Variants in SLC5A9 observed in about 807,000 individuals in gnomAD.
The protein encoded by SLC5A9 is solute carrier family 5 member 9.
SLC5A9 carries 59 observed loss-of-function variants against 70.9 expected under a neutral mutation model. That is an observed-to-expected ratio of 0.83 (90% CI 0.68 to 1.03). SLC5A9 has a LOEUF of 1.03. Ranked by LOEUF, SLC5A9 falls within the 50% of genes least tolerant of loss-of-function variation. SLC5A9 has a pLI of 0.00. For synonymous variants in SLC5A9, 340 were observed against 346.5 expected, an observed-to-expected ratio of 0.98 and a Z score of 0.21; for missense variants, 832 against 881.1, an observed-to-expected ratio of 0.94 and a Z score of 0.71.
At position 48,242,519 on chromosome 1, in the gene SLC5A9, C is replaced by T. The variant is rs184128699; in HGVS notation, c.1740C>T (p.His580=). ...CPLSELEKEA[H]ESTPEISERP... ...TCTCTGAGCTGGAGAAGGAGGCCCA[C>T]GAGAGCACACCGGAGATATCCGAGA... The change falls in exon 13 of 14, where the codon CAC becomes CAT. Residue 580 remains histidine, a synonymous_variant. Transcript: ENST00000438567. The T allele has an allele frequency of 1.4e-4, 226 of 1,613,584 alleles. 1 individual carries two copies. The highest frequency in any genetic ancestry group is 5.7e-4 in the South Asian group (52 of 91,050).
intron 1 of SLC5A9, among the ~76,000 whole-genome samples, chr1:48,224,183 T>C (rs1644111370): frequency 6.6e-6 from 1 of 152,176 alleles, no homozygotes; most frequent in Non-Finnish European, 1.5e-5. Flanking sequence ...AGGGAGGTCC[T>C]GGATGGGGCT....
At chr1:48,247,088 T>A (rs1644467804) in intron 13 of SLC5A9, among the ~76,000 whole-genome samples, 1 of 152,196 alleles carries the variant, frequency 6.6e-6, no homozygotes, top group Non-Finnish European at 1.5e-5. Context: ...TTCCACTACA[T>A]GACTGTTTGG....
intron 5 of SLC5A9, 39 bp downstream of exon 5, chr1:48,230,744 T>C: frequency 1.4e-6 from 2 of 1,470,902 alleles, no homozygotes; most frequent in Non-Finnish European, 1.9e-6. Context: ...AGCTTCTGAC[T>C]GGCAGAGACC....
rs547766619 is a variant in SLC5A9 at position 48,231,008 on chromosome 1, C to G, written c.610+303C>G. On this transcript the variant is annotated intron_variant, in intron 5 of 13. Transcript: ENST00000438567. Reference sequence around the variant, plus strand: ...AGACAGTAAGAAATACCACAAAAGACTAACTGCCTGGGGAGCAGGGTAGAG... The same window carrying G: ...AGACAGTAAGAAATACCACAAAAGAGTAACTGCCTGGGGAGCAGGGTAGAG... Among the ~76,000 whole-genome samples the G allele has an allele frequency of 1.4e-4, 21 of 152,274 alleles. No homozygotes were observed. In the South Asian group the frequency reaches 4.4e-3, roughly 32 times the overall value.
intron 8 of SLC5A9, 115 bp downstream of exon 8, chr1:48,232,617 G>T (rs1644265986): frequency 1.4e-6 from 2 of 1,393,862 alleles, no homozygotes. Flanking sequence ...GGCAAGGTTT[G>T]TCTATTAAGA....
chr1:48,248,037 T>A lies in SLC5A9; in HGVS notation c.*494T>A, dbSNP rs1644478572. 1 of 164,830 alleles carries A rather than the reference T, an allele frequency of 6.1e-6. No homozygotes were observed. The highest frequency in any genetic ancestry group is 1.3e-5 in the Non-Finnish European group (1 of 74,362). The allele number at this position is 164,830 out of a possible 1,614,324, so 10.2% of individuals were successfully genotyped here. A position where few individuals can be genotyped will look rare whatever the true frequency, so the allele number is the denominator to read the frequency against. On this transcript the variant is annotated 3_prime_UTR_variant, in exon 14 of 14. Transcript: ENST00000438567. ...ACCAATAATCTCTTTGTTGCATGAA[T>A]TTACCCAGGAGAGTCCTATATTTCC...
In SLC5A9 at chr1:48,232,401, T is replaced by C; in HGVS notation, c.932T>C (p.Leu311Pro). Residue 311 changes from leucine (L) to proline (P), a missense_variant, in exon 8 of 14, where the codon CTG (leucine) becomes CCG (proline). Transcript: ENST00000438567. ...CAGCGGTCTCTCTCGGCCAAGAGTC[T>C]GTCTCATGCCAAGGGAGGCTCCGTG... ...IVQRSLSAKS[L>P]SHAKGGSVLG... 2.5e-6 allele frequency: 4 copies of C among 1,614,192 alleles called. No homozygotes were observed. The highest frequency in any genetic ancestry group is 3.4e-6 in the Non-Finnish European group (4 of 1,180,018).
intron 2 of SLC5A9, among the ~76,000 whole-genome samples, chr1:48,225,892 G>A (rs12139099): frequency 0.32 from 48,455 of 151,768 alleles, 8,590 homozygotes; most frequent in East Asian, 0.61. Flanking sequence ...ACATTCATGC[G>A]CACTCACACC....
Position 48,224,751 on chromosome 1 carries a change from A to C in SLC5A9, c.190A>C (p.Ile64Leu). 6.2e-7 allele frequency: 1 copy of C among 1,614,122 alleles called. No homozygotes were observed. The highest frequency in any genetic ancestry group is 8.5e-7 in the Non-Finnish European group (1 of 1,180,012). Residue 64 changes from isoleucine (I) to leucine (L), a missense_variant, in exon 2 of 14, where the codon ATT becomes CTT. Ile to Leu is a conservative substitution (Grantham distance 5). Transcript: ENST00000438567. The stretch of plus-strand genomic sequence containing the variant: ...GTCCATCCGTGCAAGTCGAGGGACC[A>C]TTGGCGGCTATTTCCTGGCCGGGAG... ...WSSIRASRGTIGGYFLAGRSM... is the reference protein window; with the variant it reads ...WSSIRASRGTLGGYFLAGRSM...
At chr1:48,243,274 C>T (rs2148588501) in intron 13 of SLC5A9, among the ~76,000 whole-genome samples, 1 of 152,196 alleles carries the variant, frequency 6.6e-6, no homozygotes, top group South Asian at 2.1e-4. Flanking sequence ...GCAGCCATGC[C>T]TCCATACAGT....
Position 48,230,461 on chromosome 1 carries a change from G to A in SLC5A9, c.505-139G>A. Reference sequence around the variant, plus strand: ...TGCAAGATAAAACCCACACTCCTTAGCATAGCACTTAAAGCTCATTTTCAT... The same window carrying A: ...TGCAAGATAAAACCCACACTCCTTAACATAGCACTTAAAGCTCATTTTCAT... On this transcript the variant is annotated intron_variant, in intron 4 of 13. Transcript: ENST00000438567. 4 of 641,882 alleles carry A rather than the reference G, an allele frequency of 6.2e-6. No homozygotes were observed. The South Asian group carries it at 7.1e-5, about 11-fold the overall frequency. The allele number at this position is 641,882 out of a possible 1,614,324, so 39.8% of individuals were successfully genotyped here. A position where few individuals can be genotyped will look rare whatever the true frequency, so the allele number is the denominator to read the frequency against.
intron 13 of SLC5A9, 65 bp downstream of exon 13, chr1:48,242,681 G>C (rs141700878): frequency 1.4e-6 from 2 of 1,444,844 alleles, no homozygotes; most frequent in Middle Eastern, 2.6e-4. Context: ...CTATGTCATG[G>C]GCGGTCTTTG....
intron 13 of SLC5A9, among the ~76,000 whole-genome samples, chr1:48,246,196 G>A (rs1280038320): frequency 1.3e-5 from 2 of 152,120 alleles, no homozygotes; most frequent in Non-Finnish European, 1.5e-5. Flanking sequence ...TCAAAAGAGA[G>A]AATGTTTGGA....
At position 48,232,480 on chromosome 1, in the gene SLC5A9, G is replaced by A. The variant is rs755228113; in HGVS notation, c.1011G>A (p.Met337Ile). ...TGTTCTTCATCGTCATGCCTGGCAT[G>A]ATCAGCCGGGCCCTGTTCCCAGGTA... ...LPMFFIVMPG[M>I]ISRALFPDEV... Residue 337 changes from methionine (M) to isoleucine (I), a missense_variant, in exon 8 of 14, where the codon ATG becomes ATA. Coordinates refer to ENST00000438567, the MANE Select transcript of SLC5A9 (RefSeq NM_001011547.3). The A allele has an allele frequency of 6.2e-7, 1 of 1,614,090 alleles. No individual in the cohort carries two copies. Among genetic ancestry groups the A allele is most frequent in the African/African-American group, 1.3e-5 (1 of 74,936 alleles).
intron 9 of SLC5A9, 54 bp downstream of exon 9, chr1:48,233,816 T>A: frequency 7.7e-7 from 1 of 1,302,906 alleles, no homozygotes; most frequent in Admixed American, 1.8e-5. Flanking sequence ...CCTCCTCCAA[T>A]CTCCACTGCC....
At chr1:48,237,565 A>C in intron 10 of SLC5A9, 114 bp from the exon 11 acceptor site, 1 of 996,578 alleles carries the variant, frequency 1.0e-6, no homozygotes, top group Non-Finnish European at 1.5e-6. Flanking sequence ...TCTCTGATCT[A>C]GTGATTGTAC....
chr1:48,228,837 C>T lies in SLC5A9; in HGVS notation c.235-13C>T. ...TCCTGACTCCTGACCCTTGACCCAA[C>T]TGTGCCTTGCAGATTGGAGCATCTC... On this transcript the variant is annotated splice_polypyrimidine_tract_variant and intron_variant, in intron 2 of 13. Transcript: ENST00000438567. The T allele has an allele frequency of 6.2e-7, 1 of 1,613,596 alleles. No homozygotes were observed. Among genetic ancestry groups the T allele is most frequent in the South Asian group, 1.1e-5 (1 of 91,082 alleles).
rs1644119528 is a variant in SLC5A9 at position 48,224,725 on chromosome 1, C to CGTCCAT, written c.165_170dup (p.Ser56_Ile57insMetSer). On this transcript the variant is annotated inframe_insertion and splice_region_variant, in exon 2 of 14. Coordinates refer to ENST00000438567, the MANE Select transcript of SLC5A9 (RefSeq NM_001011547.3). The stretch of plus-strand genomic sequence containing the variant: ...TCATCTCATCTATTTCCTTTCCAGT[C>CGTCCAT]GTCCATCCGTGCAAGTCGAGGGACC... 1 of 1,613,914 alleles carries CGTCCAT rather than the reference C, an allele frequency of 6.2e-7. No individual in the cohort carries two copies. The highest frequency in any genetic ancestry group is 1.3e-5 in the African/African-American group (1 of 74,922).
rs752848191 is a variant in SLC5A9, at chr1:48,233,703, C to A, written c.1082C>A (p.Ala361Asp). Reference protein sequence around the residue: ...DPDVCQRICGARVGCSNIAYP... With the variant: ...DPDVCQRICGDRVGCSNIAYP... ...GATGTCTGCCAAAGAATCTGTGGGG[C>A]CCGAGTGGGATGTTCCAACATTGCC... Residue 361 changes from alanine to aspartate, a missense_variant, in exon 9 of 14, where the codon GCC (alanine) becomes GAC (aspartate). Ala to Asp is a moderately radical substitution (Grantham distance 126). Coordinates refer to ENST00000438567, the MANE Select transcript of SLC5A9 (RefSeq NM_001011547.3). 2.0e-5 allele frequency: 32 copies of A among 1,613,916 alleles called. No homozygotes were observed. The highest frequency in any genetic ancestry group is 2.6e-5 in the Non-Finnish European group (31 of 1,180,016).
Sources: allele counts gnomAD v4.1 joint callset (sites outside exome capture counted in the v4.1 genomes callset), GRCh38; gene constraint gnomAD v4.1.1; transcripts MANE v1.5; gene names NCBI Gene and HGNC (gene_info 2026-07-23, HGNC 2026-07-21).